Variants in CNKSR2 observed in about 807,000 individuals in gnomAD.
The protein encoded by CNKSR2 is CNK homolog protein 2.
Under a neutral mutation model 84.4 loss-of-function variants are expected in CNKSR2, and 14 were observed. The observed-to-expected ratio is 0.17, with a 90% CI of 0.11 to 0.26. The LOEUF is 0.26. Ranked by LOEUF, CNKSR2 falls within the 10% of genes least tolerant of loss-of-function variation. The pLI is 1.00. For synonymous variants in CNKSR2, 275 were observed against 277.9 expected, an observed-to-expected ratio of 0.99 and a Z score of 0.10; for missense variants, 485 against 771.2, an observed-to-expected ratio of 0.63 and a Z score of 4.40.
chrX:21,527,838 A>G (rs2091849360), intron 10 of CNKSR2, among the ~76,000 whole-genome samples: 1 of 111,214 alleles, frequency 9.0e-6, no homozygotes, highest in Admixed American at 9.6e-5. Context: ...CAAGCCATAA[A>G]TAGTATTAAA....
intron 12 of CNKSR2, 139 bp from the exon 13 acceptor site, chrX:21,563,099 T>G (rs901104117): frequency 9.9e-5 from 45 of 455,852 alleles, no homozygotes; most frequent in Middle Eastern, 6.1e-4. Flanking sequence ...GGGGCAAAAG[T>G]AATTGCGGTT....
chrX:21,488,307 A>G (rs1346013936), intron 5 of CNKSR2, among the ~76,000 whole-genome samples: 1 of 112,301 alleles, frequency 8.9e-6, no homozygotes, highest in Admixed American at 9.4e-5. Context: ...GATAGGAGCC[A>G]TATTGAACTC....
intron 21 of CNKSR2, among the ~76,000 whole-genome samples, chrX:21,649,247 T>C (rs1182408944): frequency 8.9e-6 from 1 of 112,107 alleles, no homozygotes; most frequent in East Asian, 2.8e-4. Flanking sequence ...TGATTAAATG[T>C]TATTTTACTC....
chrX:21,609,573 A>C lies in CNKSR2; in HGVS notation c.2648A>C (p.Glu883Ala), dbSNP rs1321046943. 2 of 1,208,727 alleles carry C rather than the reference A, an allele frequency of 1.7e-6. No homozygotes were observed. The highest frequency in any genetic ancestry group is 4.4e-5 in the Admixed American group (2 of 45,941). The change falls in exon 20 of 22, where the codon GAG becomes GCG. Residue 883 changes from glutamate (E) to alanine (A), a missense_variant. Physicochemically the swap from Glu to Ala is moderately radical, Grantham distance 107 (BLOSUM62 -1). Around this residue, in one of 5 missense-constraint regions of CNKSR2, gnomAD observed 210 missense variants for 291.5 expected, o/e 0.72. Transcript: ENST00000379510. Reference sequence around the variant, plus strand: ...GAGGTGGAGGAAGAGGAGGAGGAGGAGGAGGAGGAAGGGGAGGCAGCAGGG... The same window carrying C: ...GAGGTGGAGGAAGAGGAGGAGGAGGCGGAGGAGGAAGGGGAGGCAGCAGGG... ...PPEVEEEEEEEEEEGEAAGEN... is the reference protein window; with the variant it reads ...PPEVEEEEEEAEEEGEAAGEN...
chrX:21,482,292 G>A (rs1253727762), intron 5 of CNKSR2, among the ~76,000 whole-genome samples: 3 of 111,525 alleles, frequency 2.7e-5, no homozygotes, highest in African/African-American at 9.8e-5. Context: ...TTTGATTAGA[G>A]GCAACAACAT....
At chrX:21,555,695 A>G in intron 11 of CNKSR2, among the ~76,000 whole-genome samples, 1 of 111,606 alleles carries the variant, frequency 9.0e-6, no homozygotes, top group East Asian at 2.8e-4. Context: ...GAACAGATGT[A>G]TATATGTGTA....
chrX:21,473,745 G>GTTTTTTTTTTTTTGTTTTT lies in CNKSR2; in HGVS notation c.561+2951_561+2952insGTTTTTTTTTTTTTTTTTT, dbSNP rs2091226394. Among the ~76,000 whole-genome samples, 46 of 67,194 alleles carry GTTTTTTTTTTTTTGTTTTT rather than the reference G, an allele frequency of 6.8e-4. 5 individuals carry two copies. The highest frequency in any genetic ancestry group is 4.6e-3 in the African/African-American group (45 of 9,703). The allele number at this position is 67,194 out of a possible 115,157, so 58.3% of individuals were successfully genotyped here. ...TAGGTTTTTTGTTGTTGTTGGTTTG[G>GTTTTTTTTTTTTTGTTTTT]TTTTTTTTTTTTTTTTTTTGAGACA... On this transcript the variant is annotated intron_variant, in intron 5 of 21. Transcript: ENST00000379510.
chrX:21,564,602 T>A (rs903015993), intron 13 of CNKSR2, among the ~76,000 whole-genome samples: 3 of 111,745 alleles, frequency 2.7e-5, no homozygotes, highest in East Asian at 2.8e-4. Flanking sequence ...ATCAAAAAAA[T>A]TTTAATCTGC....
intron 4 of CNKSR2, among the ~76,000 whole-genome samples, chrX:21,453,557 C>T (rs1243997494): frequency 9.0e-6 from 1 of 111,726 alleles, no homozygotes; most frequent in Non-Finnish European, 1.9e-5. Context: ...CAGTTCATCT[C>T]TCCATATTTC....
intron 8 of CNKSR2, among the ~76,000 whole-genome samples, chrX:21,502,243 G>C (rs1486460954): frequency 1.0e-5 from 1 of 98,988 alleles, no homozygotes; most frequent in Non-Finnish European, 2.1e-5. Flanking sequence ...GGGATTCTGT[G>C]CCTATTGTAG....
At chrX:21,616,624 T>G (rs777631129) in intron 20 of CNKSR2, among the ~76,000 whole-genome samples, 3 of 111,899 alleles carry the variant, frequency 2.7e-5, no homozygotes, top group Non-Finnish European at 3.8e-5. Context: ...TCACATTCTC[T>G]ATGATTGAAA....
chrX:21,482,641 A>G (rs2091333566), intron 5 of CNKSR2, among the ~76,000 whole-genome samples: 1 of 112,184 alleles, frequency 8.9e-6, no homozygotes, highest in Non-Finnish European at 1.9e-5. Context: ...GTTAGGGGTC[A>G]TTGCTTCTTT....
At chrX:21,629,306 G>A (rs758487508) in intron 20 of CNKSR2, among the ~76,000 whole-genome samples, 1 of 111,948 alleles carries the variant, frequency 8.9e-6, no homozygotes, top group East Asian at 2.8e-4. Flanking sequence ...CCTCCAGACT[G>A]TTTCAGCCTC....
At chrX:21,598,309 C>G (rs964292130) in intron 17 of CNKSR2, among the ~76,000 whole-genome samples, 6 of 111,065 alleles carry the variant, frequency 5.4e-5, no homozygotes, top group African/African-American at 2.0e-4. Context: ...TTTGTTTGGC[C>G]TATATATTCC....
chrX:21,433,132 G>C (rs1178216619), intron 3 of CNKSR2, among the ~76,000 whole-genome samples: 1 of 111,387 alleles, frequency 9.0e-6, no homozygotes, highest in Non-Finnish European at 1.9e-5. Flanking sequence ...TTTGTGTCCT[G>C]ATGTTCTTTA....
intron 1 of CNKSR2, among the ~76,000 whole-genome samples, chrX:21,400,702 C>G (rs1272905401): frequency 9.0e-6 from 1 of 110,883 alleles, no homozygotes; most frequent in Non-Finnish European, 1.9e-5. Flanking sequence ...TCAGATATTT[C>G]CTTTTTATAT....
chrX:21,606,759 C>T lies in CNKSR2; in HGVS notation c.2045-20C>T. 1 of 960,923 alleles carries T rather than the reference C, an allele frequency of 1.0e-6. No homozygotes were observed. The highest frequency in any genetic ancestry group is 1.5e-6 in the Non-Finnish European group (1 of 673,258). The allele number at this position is 960,923 out of a possible 1,213,427, so 79.2% of individuals were successfully genotyped here. On this transcript the variant is annotated intron_variant, in intron 18 of 21. Transcript: ENST00000379510. ...AACATTTAGTAGAATGTTGACGTAT[C>T]CATGTCTGTGAATTTTCAGATTACT...
At chrX:21,511,191 G>A (rs769695244) in intron 8 of CNKSR2, among the ~76,000 whole-genome samples, 2 of 111,071 alleles carry the variant, frequency 1.8e-5, no homozygotes, top group East Asian at 5.7e-4. Flanking sequence ...CTTTAGGTCT[G>A]GAGTATTCAA....
At chrX:21,618,244 G>A (rs1461349550) in intron 20 of CNKSR2, among the ~76,000 whole-genome samples, 1 of 111,131 alleles carries the variant, frequency 9.0e-6, no homozygotes, top group Non-Finnish European at 1.9e-5. Flanking sequence ...GTTCTCACTA[G>A]TTTCATACTA....
Sources: gnomAD v4.1 joint callset for allele counts (sites outside exome capture counted in the v4.1 genomes callset) on GRCh38, gnomAD v4.1.1 for gene constraint, gnomAD v4.1.1 regional missense constraint, MANE v1.5 for transcripts, NCBI Gene and HGNC (gene_info 2026-07-23, HGNC 2026-07-21) for gene names.